Variants in MTPN observed in about 807,000 individuals in gnomAD.
MTPN encodes the protein myotrophin.
Under a neutral mutation model 13.5 loss-of-function variants are expected in MTPN, and 2 were observed. The ratio of observed to expected loss-of-function variants is 0.15; its 90% CI spans 0.06 to 0.47. MTPN has a LOEUF of 0.47. Among genes scored for constraint, MTPN ranks in the 20% least tolerant of loss-of-function variants. The probability of loss-of-function intolerance (pLI) is 0.97; values close to 1 mark genes in which losing one functional copy is unlikely to be tolerated. For missense variants in MTPN, 79 were observed against 137.9 expected, an observed-to-expected ratio of 0.57 and a Z score of 2.14; for synonymous variants, 46 against 51.7, an observed-to-expected ratio of 0.89 and a Z score of 0.48.
At chr7:135,961,554 G>A (rs779782640) in intron 1 of MTPN, among the ~76,000 whole-genome samples, 6 of 150,344 alleles carry the variant, frequency 4.0e-5, no homozygotes, top group East Asian at 3.9e-4. Context: ...TTGAGACAAC[G>A]TCTCACTGCC....
intron 1 of MTPN, among the ~76,000 whole-genome samples, chr7:135,953,156 T>C (rs1799390334): frequency 6.6e-6 from 1 of 152,156 alleles, no homozygotes; most frequent in Non-Finnish European, 1.5e-5. Context: ...CCCTCCTTCC[T>C]TCCCATTAAT....
intron 2 of MTPN, among the ~76,000 whole-genome samples, chr7:135,951,054 A>T (rs1799357748): frequency 6.6e-6 from 1 of 152,210 alleles, no homozygotes. Context: ...AAGAGGAGGT[A>T]AAAGGGCCGG....
Position 135,977,011 on chromosome 7 carries a change from C to A in MTPN, c.72+18G>T, listed in dbSNP as rs376399561. The A allele has an allele frequency of 1.2e-5, 19 of 1,546,378 alleles. No individual in the cohort carries two copies. The highest frequency in any genetic ancestry group is 1.7e-5 in the Non-Finnish European group (19 of 1,137,404). On this transcript the variant is annotated intron_variant, in intron 1 of 3. Coordinates refer to ENST00000393085, the MANE Select transcript of MTPN (RefSeq NM_145808.4). The stretch of plus-strand genomic sequence containing the variant: ...GCCCACCTCCGTGTTCTCGCCTACT[C>A]TTCTCATCCCCGCTTACCTTGGCCA...
intron 1 of MTPN, among the ~76,000 whole-genome samples, chr7:135,959,781 T>C (rs1032225121): frequency 1.3e-5 from 2 of 151,988 alleles, no homozygotes; most frequent in African/African-American, 2.4e-5. Flanking sequence ...AAGATTTTTC[T>C]AGTTTGTCAG....
At chr7:135,947,762 C>G (rs1302974998) in intron 3 of MTPN, among the ~76,000 whole-genome samples, 2 of 151,460 alleles carry the variant, frequency 1.3e-5, no homozygotes, top group East Asian at 3.9e-4. Context: ...GTTAGACCAC[C>G]CCGAGATAAA....
intron 1 of MTPN, among the ~76,000 whole-genome samples, chr7:135,972,731 C>T (rs534330149): frequency 4.6e-5 from 7 of 152,196 alleles, no homozygotes; most frequent in African/African-American, 1.4e-4. Context: ...TGAAGTCAAT[C>T]TTTTTCAGCC....
intron 1 of MTPN, among the ~76,000 whole-genome samples, chr7:135,959,842 T>C (rs1294033113): frequency 6.6e-6 from 1 of 151,888 alleles, no homozygotes; most frequent in African/African-American, 2.4e-5. Flanking sequence ...GGAACATCTG[T>C]TTTTTTAAGA....
intron 1 of MTPN, among the ~76,000 whole-genome samples, chr7:135,970,011 G>T (rs1799668410): frequency 6.6e-6 from 1 of 152,174 alleles, no homozygotes; most frequent in African/African-American, 2.4e-5. Context: ...AACTCATGAA[G>T]AGAGTAATGC....
intron 3 of MTPN, among the ~76,000 whole-genome samples, chr7:135,940,559 A>T (rs1799193449): frequency 6.6e-6 from 1 of 152,196 alleles, no homozygotes; most frequent in Non-Finnish European, 1.5e-5. Context: ...CCTGAAGTGG[A>T]CATTGTTAAC....
intron 1 of MTPN, 113 bp downstream of exon 1, chr7:135,976,916 G>C: frequency 1.1e-6 from 1 of 946,836 alleles, no homozygotes; most frequent in Non-Finnish European, 1.7e-6. Flanking sequence ...CTCCACCCAG[G>C]AAGTCTCTCC....
intron 3 of MTPN, among the ~76,000 whole-genome samples, chr7:135,945,358 A>G (rs1297151903): frequency 1.3e-5 from 2 of 152,218 alleles, no homozygotes; most frequent in Non-Finnish European, 2.9e-5. Flanking sequence ...TAAACTTTTA[A>G]ATGTCTTTAA....
At chr7:135,937,092 C>T (rs746631319) in intron 3 of MTPN, among the ~76,000 whole-genome samples, 4 of 152,086 alleles carry the variant, frequency 2.6e-5, no homozygotes, top group Non-Finnish European at 4.4e-5. Flanking sequence ...GCCTAATTCC[C>T]CTGTATATTA....
chr7:135,958,859 C>G (rs10275859), intron 1 of MTPN, among the ~76,000 whole-genome samples: 1 of 151,832 alleles, frequency 6.6e-6, no homozygotes, highest in Non-Finnish European at 1.5e-5. Flanking sequence ...AAGGATATCT[C>G]TGAAACATTC....
intron 1 of MTPN, among the ~76,000 whole-genome samples, chr7:135,960,484 T>C (rs990688576): frequency 2.0e-4 from 30 of 151,992 alleles, no homozygotes; most frequent in African/African-American, 6.8e-4. Context: ...AATCCTCACA[T>C]CCTAACTGCT....
intron 3 of MTPN, among the ~76,000 whole-genome samples, chr7:135,949,462 TC>T (rs1799331076): frequency 6.6e-6 from 1 of 151,364 alleles, no homozygotes; most frequent in African/African-American, 2.4e-5. Context: ...GACAAATGCA[TC>T]ATTCTTATCA....
rs1798973926 is a variant in MTPN at position 135,929,133 on chromosome 7, CAGG to C, written c.*790_*792del. The C allele has an allele frequency of 6.0e-6, 1 of 166,956 alleles. No homozygotes were observed. Among genetic ancestry groups the C allele is most frequent in the Non-Finnish European group, 1.5e-5 (1 of 68,114 alleles). The allele number at this position is 166,956 out of a possible 1,614,324, so 10.3% of individuals were successfully genotyped here. A position where few individuals can be genotyped will look rare whatever the true frequency, so the allele number is the denominator to read the frequency against. ...TTTTTAAATCCCCTTTTACTACCAG[CAGG>C]AGTTTGAAAGTGTTTCAATGCTATA... On this transcript the variant is annotated 3_prime_UTR_variant, in exon 4 of 4. Coordinates refer to ENST00000393085, the MANE Select transcript of MTPN (RefSeq NM_145808.4).
intron 3 of MTPN, among the ~76,000 whole-genome samples, chr7:135,938,383 A>G (rs967676398): frequency 2.0e-5 from 3 of 152,244 alleles, no homozygotes; most frequent in African/African-American, 7.2e-5. Flanking sequence ...GAAAGAAAGC[A>G]ATTTAGAATC....
intron 3 of MTPN, among the ~76,000 whole-genome samples, chr7:135,945,240 C>T (rs575904000): frequency 6.6e-6 from 1 of 152,244 alleles, no homozygotes; most frequent in East Asian, 1.9e-4. Flanking sequence ...CTACACACTA[C>T]TATAGACTTT....
At chr7:135,950,018 T>C (rs768399895) in intron 3 of MTPN, among the ~76,000 whole-genome samples, 4 of 152,188 alleles carry the variant, frequency 2.6e-5, no homozygotes, top group Non-Finnish European at 5.9e-5. Flanking sequence ...ACAGCTAGAA[T>C]GGCGGCAACT....
Sources: allele counts gnomAD v4.1 joint callset (sites outside exome capture counted in the v4.1 genomes callset), GRCh38; gene constraint gnomAD v4.1.1; transcripts MANE v1.5; gene names NCBI Gene and HGNC (gene_info 2026-07-23, HGNC 2026-07-21).